FRMPD2: variants seen among roughly 807,000 people sequenced by gnomAD.
The protein encoded by FRMPD2 is FERM and PDZ domain containing 2.
In FRMPD2, 96 loss-of-function variants were observed where a neutral mutation model predicts 140.1. That is an observed-to-expected ratio of 0.69 (90% CI 0.58 to 0.81). The LOEUF is 0.81. Ranked by LOEUF, FRMPD2 falls within the 40% of genes least tolerant of loss-of-function variation. The pLI is 0.00. For synonymous variants in FRMPD2, 449 were observed against 547.6 expected, an observed-to-expected ratio of 0.82 and a Z score of 2.52; for missense variants, 1,240 against 1,447.4, an observed-to-expected ratio of 0.86 and a Z score of 2.32.
chr10:48,256,419 C>T (rs1366423223), intron 1 of FRMPD2, among the ~76,000 whole-genome samples: 4 of 152,208 alleles, frequency 2.6e-5, no homozygotes, highest in African/African-American at 9.7e-5. Flanking sequence ...TATTGATTGA[C>T]TGACTATATA....
intron 21 of FRMPD2, among the ~76,000 whole-genome samples, chr10:48,179,875 A>T (rs1838499627): frequency 6.6e-6 from 1 of 152,238 alleles, no homozygotes; most frequent in Admixed American, 6.5e-5. Flanking sequence ...GTAAGGGAGG[A>T]TAGGTCGTGG....
At chr10:48,227,438 C>T (rs1839749007) in intron 10 of FRMPD2, among the ~76,000 whole-genome samples, 1 of 152,206 alleles carries the variant, frequency 6.6e-6, no homozygotes, top group South Asian at 2.1e-4. Flanking sequence ...TGAAGCATCT[C>T]CTTGTCCCAG....
At chr10:48,214,755 A>G (rs768277259) in intron 12 of FRMPD2, among the ~76,000 whole-genome samples, 7 of 152,210 alleles carry the variant, frequency 4.6e-5, no homozygotes, top group Non-Finnish European at 8.8e-5. Flanking sequence ...GAAAAATCAG[A>G]CGCAATTTAA....
At chr10:48,238,746 GT>G (rs1348913883) in intron 7 of FRMPD2, among the ~76,000 whole-genome samples, 1 of 152,150 alleles carries the variant, frequency 6.6e-6, no homozygotes, top group African/African-American at 2.4e-5. Flanking sequence ...GCCCATCTAG[GT>G]TTTGATCTGA....
At chr10:48,194,851 C>T (rs1838916606) in intron 15 of FRMPD2, among the ~76,000 whole-genome samples, 1 of 152,070 alleles carries the variant, frequency 6.6e-6, no homozygotes, top group African/African-American at 2.4e-5. Flanking sequence ...GGTGGACAAA[C>T]AGTGGAGGGG....
rs191309637 is a variant in FRMPD2, at chr10:48,217,845, G to A, written c.1455+4468C>T. ...TCCCTCTCTATCCCACATACCCTGT[G>A]AGGAATAAGACACAGAACTCTGCGA... On this transcript the variant is annotated intron_variant, in intron 12 of 28. Transcript: ENST00000374201. Among the ~76,000 whole-genome samples the A allele has an allele frequency of 3.5e-4, 53 of 152,344 alleles. No individual in the cohort carries two copies. In the Middle Eastern group the frequency reaches 0.017, roughly 49 times the overall value.
chr10:48,242,386 C>A lies in FRMPD2; in HGVS notation c.376-34G>T, dbSNP rs776241987. The A allele has an allele frequency of 8.2e-6, 13 of 1,588,892 alleles. No individual in the cohort carries two copies. The African/African-American group carries it at 1.5e-4, about 18-fold the overall frequency. On this transcript the variant is annotated intron_variant, in intron 4 of 28. Transcript: ENST00000374201. ...AGACAGGGCCGGTGAGAGGAGAGAG[C>A]AGCCAGAGCTGCCACTACGAGGCCA...
intron 14 of FRMPD2, among the ~76,000 whole-genome samples, chr10:48,203,708 G>A (rs1220944336): frequency 6.6e-6 from 1 of 151,978 alleles, no homozygotes; most frequent in Non-Finnish European, 1.5e-5. Context: ...TCTAGGCAGG[G>A]GAGACTTGTC....
chr10:48,247,758 A>T (rs1338752528), intron 3 of FRMPD2, among the ~76,000 whole-genome samples: 2 of 152,160 alleles, frequency 1.3e-5, no homozygotes, highest in Non-Finnish European at 2.9e-5. Flanking sequence ...TCAATATGTG[A>T]CATCTTAGCT....
At chr10:48,170,696 C>A (rs1838219214) in intron 26 of FRMPD2, among the ~76,000 whole-genome samples, 1 of 150,700 alleles carries the variant, frequency 6.6e-6, no homozygotes, top group Admixed American at 6.6e-5. Context: ...CAGCCCCATG[C>A]CCACCTCCCA....
chr10:48,192,020 A>G (rs1050074919), intron 16 of FRMPD2, among the ~76,000 whole-genome samples: 5 of 152,202 alleles, frequency 3.3e-5, no homozygotes, highest in Admixed American at 1.3e-4. Context: ...AAATTAGTTG[A>G]TATGTACACG....
intron 27 of FRMPD2, among the ~76,000 whole-genome samples, chr10:48,168,194 G>C (rs1432810207): frequency 1.5e-5 from 2 of 129,108 alleles, no homozygotes; most frequent in African/African-American, 6.8e-5. Context: ...CAGACTGCAC[G>C]TGCCTATTTC....
At chr10:48,236,848 T>C (rs1839977991) in intron 8 of FRMPD2, among the ~76,000 whole-genome samples, 1 of 152,176 alleles carries the variant, frequency 6.6e-6, no homozygotes, top group African/African-American at 2.4e-5. Context: ...CCATCTTTTG[T>C]ATGTATCAAA....
At position 48,259,529 on chromosome 10, in the gene FRMPD2, TAAG is replaced by T. The variant is rs1243270865; in HGVS notation, c.26-7841_26-7839del. On this transcript the variant is annotated intron_variant, in intron 1 of 28. Transcript: ENST00000374201. ...CGCTATTAATCTAGTGACTTGTATA[TAAG>T]AAGAACGATTTCACATGATGTTTGA... 6.6e-5 allele frequency among the ~76,000 whole-genome samples: 10 copies of T among 152,330 alleles called. No individual in the cohort carries two copies. The East Asian group carries it at 1.5e-3, about 23-fold the overall frequency.
chr10:48,162,233 T>G (rs1264191383), intron 28 of FRMPD2, among the ~76,000 whole-genome samples: 1 of 127,746 alleles, frequency 7.8e-6, no homozygotes, highest in Non-Finnish European at 1.6e-5. Context: ...TGAATGTGCT[T>G]GTTCACCCTG....
rs748816645 is a variant in FRMPD2, at chr10:48,184,831, A to C, written c.2410T>G (p.Phe804Val). 2 of 1,613,946 alleles carry C rather than the reference A, an allele frequency of 1.2e-6. No individual in the cohort carries two copies. The highest frequency in any genetic ancestry group is 2.2e-5 in the South Asian group (2 of 91,018). The change falls in exon 19 of 29, where the codon TTT becomes GTT. Residue 804 changes from phenylalanine to valine, a missense_variant. Phe to Val is a conservative substitution (Grantham distance 50, BLOSUM62 -1). Transcript: ENST00000374201. The stretch of plus-strand genomic sequence containing the variant: ...CCTCCAGGTATAATAGAAGATATAA[A>C]AATGCCAGGGTCAGCTTGGCCTGAA... ...EYSGQADPGI[F>V]ISSIIPGGPA...
chr10:48,221,067 G>T (rs1839575040), intron 12 of FRMPD2, among the ~76,000 whole-genome samples: 1 of 152,126 alleles, frequency 6.6e-6, no homozygotes, highest in Non-Finnish European at 1.5e-5. Flanking sequence ...ACTACCATTT[G>T]AACTAGCAAT....
intron 1 of FRMPD2, among the ~76,000 whole-genome samples, chr10:48,262,538 T>C (rs1211345334): frequency 6.6e-6 from 1 of 152,152 alleles, no homozygotes; most frequent in Non-Finnish European, 1.5e-5. Context: ...AATCTACTAT[T>C]ATACCTGGAG....
intron 11 of FRMPD2, among the ~76,000 whole-genome samples, chr10:48,222,841 G>C (rs1394254837): frequency 6.6e-6 from 1 of 152,084 alleles, no homozygotes; most frequent in African/African-American, 2.4e-5. Flanking sequence ...TGGGGGTGAG[G>C]GGGCATTTTG....
Sources: gnomAD v4.1 joint callset for allele counts (sites outside exome capture counted in the v4.1 genomes callset) on GRCh38, gnomAD v4.1.1 for gene constraint, MANE v1.5 for transcripts, NCBI Gene and HGNC (gene_info 2026-07-23, HGNC 2026-07-21) for gene names.